PCDH7: variants seen among roughly 807,000 people sequenced by gnomAD.
PCDH7 encodes the protein protocadherin 7.
PCDH7 carries 17 observed loss-of-function variants against 58.9 expected under a neutral mutation model. The observed-to-expected ratio is 0.29, with a 90% CI of 0.20 to 0.43. PCDH7 has a LOEUF of 0.43. PCDH7 is among the 20% of genes least tolerant of loss of function. PCDH7 has a pLI of 1.00. For missense variants in PCDH7, 1,274 were observed against 1,441.0 expected (o/e 0.88, Z 1.88); for synonymous variants, 664 against 616.4 (o/e 1.08, Z -1.14).
chr4:31,060,882 T>G (rs1757638179), intron 3 of PCDH7, among the ~76,000 whole-genome samples: 1 of 151,756 alleles, frequency 6.6e-6, no homozygotes, highest in Non-Finnish European at 1.5e-5. Context: ...GCACATAACA[T>G]GCATCTATTT....
intron 3 of PCDH7, among the ~76,000 whole-genome samples, chr4:31,099,713 C>A (rs1336587526): frequency 6.6e-6 from 1 of 152,138 alleles, no homozygotes; most frequent in African/African-American, 2.4e-5. Context: ...TTTTTCAAGA[C>A]AAACCAGTTT....
chr4:30,897,023 G>A lies in PCDH7; in HGVS notation c.71-23130G>A, dbSNP rs975328671. The stretch of plus-strand genomic sequence containing the variant: ...GAGTTCATGCCATTCTCCTGCCTCA[G>A]CCTCCCGCGTAGCTGGGACTACAGG... On this transcript the variant is annotated intron_variant, in intron 1 of 3. Transcript: ENST00000509759. 3.4e-5 allele frequency among the ~76,000 whole-genome samples: 5 copies of A among 145,652 alleles called. No homozygotes were observed. In the Admixed American group the frequency reaches 3.6e-4, roughly 10 times the overall value.
rs936457320 is a variant in PCDH7, at chr4:31,034,031, T to G, written c.*7+83816T>G. On this transcript the variant is annotated intron_variant, in intron 3 of 3. Transcript: ENST00000509759. ...ATTGCTTGAGTCCGGGAGGCAGAGG[T>G]TGCAGTGCGTGGAAATCACACCACT... Among the ~76,000 whole-genome samples, 5 of 151,956 alleles carry G rather than the reference T, an allele frequency of 3.3e-5. No homozygotes were observed. In the South Asian group the frequency reaches 1.0e-3, roughly 32 times the overall value.
chr4:30,792,927 T>TA (rs1314655585), intron 1 of PCDH7, among the ~76,000 whole-genome samples: 2 of 152,124 alleles, frequency 1.3e-5, no homozygotes, highest in African/African-American at 2.4e-5. Flanking sequence ...GGTTAACTTT[T>TA]AAAAAACCCT....
Position 31,083,607 on chromosome 4 carries a change from A to G in PCDH7, c.*8-58866A>G, listed in dbSNP as rs189816657. 9.8e-5 allele frequency among the ~76,000 whole-genome samples: 15 copies of G among 152,302 alleles called. No homozygotes were observed. The East Asian group carries it at 2.9e-3, about 29-fold the overall frequency. On this transcript the variant is annotated intron_variant, in intron 3 of 3. Transcript: ENST00000509759. Reference sequence around the variant, plus strand: ...AAAGGATTACGTTCTTAATCTTGACATTCAAAGGAGACATCCCAGGATGTT... The same window carrying G: ...AAAGGATTACGTTCTTAATCTTGACGTTCAAAGGAGACATCCCAGGATGTT...
At chr4:30,861,384 T>C (rs1256207847) in intron 1 of PCDH7, among the ~76,000 whole-genome samples, 1 of 151,586 alleles carries the variant, frequency 6.6e-6, no homozygotes, top group Non-Finnish European at 1.5e-5. Context: ...ACTAAATGCA[T>C]GTATGCTTGT....
chr4:31,133,568 G>A (rs1253499070), intron 3 of PCDH7, among the ~76,000 whole-genome samples: 1 of 152,130 alleles, frequency 6.6e-6, no homozygotes. Context: ...CTCATTTGCA[G>A]CAGTTATTTC....
Position 30,722,073 on chromosome 4 carries a change from C to T in PCDH7, c.651C>T (p.Gly217=). 8.0e-7 allele frequency: 1 copy of T among 1,245,204 alleles called. No homozygotes were observed. Among genetic ancestry groups the T allele is most frequent in the Non-Finnish European group, 1.0e-6 (1 of 996,798 alleles). 77.1% of individuals were successfully genotyped at this position (1,245,204 alleles called of 1,614,324 possible). A position where few individuals can be genotyped will look rare whatever the true frequency, so the allele number is the denominator to read the frequency against. ...GCGGCGGGAACGGCGCGAGCGGCGGCGGCTCGGGAGGCTCCAAGCGGCGGC... is the reference window on the plus strand; with the variant it reads ...GCGGCGGGAACGGCGCGAGCGGCGGTGGCTCGGGAGGCTCCAAGCGGCGGC... The change falls in exon 1 of 2, where the codon GGC becomes GGT. Residue 217 remains glycine, a synonymous_variant. Coordinates refer to ENST00000361762, the Ensembl canonical transcript of PCDH7. The surrounding 1 kb of genome is among the most constrained non-coding windows in gnomAD (Gnocchi z 7.6).
At chr4:30,929,405 A>G (rs372553963) in intron 2 of PCDH7, among the ~76,000 whole-genome samples, 1 of 152,128 alleles carries the variant, frequency 6.6e-6, no homozygotes, top group Non-Finnish European at 1.5e-5. Context: ...ACGCAGGTAG[A>G]TTTTTTGGCA....
chr4:30,988,239 A>G (rs187242150), intron 3 of PCDH7, among the ~76,000 whole-genome samples: 2 of 152,310 alleles, frequency 1.3e-5, no homozygotes, highest in Admixed American at 1.3e-4. Flanking sequence ...TACTGCAGAA[A>G]ACACATTATT....
chr4:30,830,071 ATCTTT>A (rs2109329606), intron 1 of PCDH7, among the ~76,000 whole-genome samples: 1 of 152,168 alleles, frequency 6.6e-6, no homozygotes, highest in East Asian at 1.9e-4. Context: ...TTTAATAGCA[ATCTTT>A]TCTTTAATAG....
intron 1 of PCDH7, among the ~76,000 whole-genome samples, chr4:30,849,423 T>TA (rs1380001837): frequency 6.6e-6 from 1 of 152,182 alleles, no homozygotes; most frequent in African/African-American, 2.4e-5. Flanking sequence ...CATTTCGTGT[T>TA]ACTTTCAGTC....
chr4:31,125,838 A>G (rs1475493534), intron 3 of PCDH7, among the ~76,000 whole-genome samples: 1 of 152,188 alleles, frequency 6.6e-6, no homozygotes, highest in Non-Finnish European at 1.5e-5. Flanking sequence ...TACATTTTTA[A>G]CTTAATGATA....
intron 3 of PCDH7, among the ~76,000 whole-genome samples, chr4:30,995,830 C>T (rs1751848655): frequency 6.6e-6 from 1 of 152,086 alleles, no homozygotes; most frequent in African/African-American, 2.4e-5. Flanking sequence ...AACACTGAAT[C>T]TCCCCAGGGC....
At chr4:30,986,852 G>C (rs1301863662) in intron 3 of PCDH7, among the ~76,000 whole-genome samples, 2 of 151,718 alleles carry the variant, frequency 1.3e-5, no homozygotes, top group African/African-American at 4.8e-5. Context: ...GTGGTGGTGG[G>C]CGCCTGTAGT....
At chr4:31,054,077 C>G (rs915966738) in intron 3 of PCDH7, among the ~76,000 whole-genome samples, 19 of 151,958 alleles carry the variant, frequency 1.3e-4, no homozygotes, top group African/African-American at 3.9e-4. Flanking sequence ...GCAATCCTCC[C>G]ACCTCAGCCT....
intron 1 of PCDH7, among the ~76,000 whole-genome samples, chr4:30,788,008 A>G (rs1723634447): frequency 2.0e-5 from 3 of 152,202 alleles, no homozygotes; most frequent in Admixed American, 1.3e-4. Flanking sequence ...GATGATACCA[A>G]CGCCTGAAAA....
rs190985418 is a variant in PCDH7, at chr4:30,855,944, G to A, written c.71-64209G>A. 2.0e-5 allele frequency among the ~76,000 whole-genome samples: 3 copies of A among 152,138 alleles called. No homozygotes were observed. The East Asian group carries it at 5.8e-4, about 30-fold the overall frequency. On this transcript the variant is annotated intron_variant, in intron 1 of 3. Coordinates refer to the PCDH7 transcript ENST00000509759. ...ATCTGTCGGCATTGTTAATGTAAGG[G>A]GCACCGTCTGGGTAATCATCAACTG...
intron 3 of PCDH7, among the ~76,000 whole-genome samples, chr4:31,032,687 G>GGAGA (rs1755053932): frequency 7.4e-6 from 1 of 135,774 alleles, no homozygotes; most frequent in African/African-American, 2.7e-5. Flanking sequence ...AGGGAGGGAG[G>GGAGA]GAGGGAGGGA....
Sources: allele counts gnomAD v4.1 joint callset (sites outside exome capture counted in the v4.1 genomes callset), GRCh38; gene constraint gnomAD v4.1.1; non-coding constraint Gnocchi (gnomAD v3.1); transcripts MANE v1.5; gene names NCBI Gene and HGNC (gene_info 2026-07-23, HGNC 2026-07-21).